Variants in ZNF831 observed in about 807,000 individuals in gnomAD.
ZNF831 encodes chromosome 20 open reading frame 174.
In ZNF831, 59 loss-of-function variants were observed where a neutral mutation model predicts 95.8. The observed-to-expected ratio is 0.62, with a 90% CI of 0.50 to 0.77. ZNF831 has a LOEUF of 0.77. ZNF831 is among the 30% of genes least tolerant of loss of function. The pLI, the probability that ZNF831 is intolerant of heterozygous loss-of-function variation, is 0.00. For missense variants in ZNF831, 2,205 were observed against 2,164.0 expected (o/e 1.02, Z -0.38); for synonymous variants, 961 against 925.5 (o/e 1.04, Z -0.70).
At chr20:59,147,235 T>C (rs1979917865) in intron 2 of ZNF831, among the ~76,000 whole-genome samples, 1 of 152,260 alleles carries the variant, frequency 6.6e-6, no homozygotes, top group Non-Finnish European at 1.5e-5. Context: ...AGTAAAGATC[T>C]ATTTTTAGTT....
chr20:59,196,767 C>G (rs1009453966), intron 3 of ZNF831, among the ~76,000 whole-genome samples: 1 of 152,062 alleles, frequency 6.6e-6, no homozygotes, highest in Non-Finnish European at 1.5e-5. Flanking sequence ...CATTCTCCCC[C>G]AGACTGTCAG....
chr20:59,183,557 C>T (rs947870356), intron 1 of ZNF831, among the ~76,000 whole-genome samples: 2 of 152,152 alleles, frequency 1.3e-5, no homozygotes, highest in African/African-American at 2.4e-5. Context: ...GTATCCCCAC[C>T]GCCCGCTTTT....
chr20:59,173,534 G>A (rs73306888), intron 1 of ZNF831, among the ~76,000 whole-genome samples: 21,184 of 152,186 alleles, frequency 0.14, 1,644 homozygotes, highest in African/African-American at 0.2. Context: ...TACAGCAGGA[G>A]CAGAAGCCAC....
intron 4 of ZNF831, among the ~76,000 whole-genome samples, chr20:59,227,322 G>A (rs1278892045): frequency 6.6e-6 from 1 of 152,190 alleles, no homozygotes; most frequent in East Asian, 1.9e-4. Flanking sequence ...TATTTTCTGA[G>A]ATAAATTTTG....
At chr20:59,221,233 T>C (rs1601416035) in intron 4 of ZNF831, among the ~76,000 whole-genome samples, 2 of 152,214 alleles carry the variant, frequency 1.3e-5, no homozygotes, top group East Asian at 3.9e-4. Context: ...AGGTCCATAC[T>C]TTCCCCAGCA....
chr20:59,194,714 C>A lies in ZNF831; in HGVS notation c.3695C>A (p.Thr1232Asn). 1 of 1,595,120 alleles carries A rather than the reference C, an allele frequency of 6.3e-7. No individual in the cohort carries two copies. Among genetic ancestry groups the A allele is most frequent in the Non-Finnish European group, 8.5e-7 (1 of 1,172,066 alleles). ...NGPPGSNGGW[T>N]WTSPGEGGPA... ...CCTCCTGGGAGCAATGGAGGATGGA[C>A]CTGGACAAGCCCTGGAGAAGGAGGG... is the stretch of plus-strand genomic sequence containing the variant. Residue 1232 changes from threonine to asparagine, a missense_variant, in exon 2 of 6, where the codon ACC (threonine) becomes AAC (asparagine). Physicochemically the swap from Thr to Asn is moderately conservative, Grantham distance 65. Transcript: ENST00000371030.
intron 2 of ZNF831, among the ~76,000 whole-genome samples, chr20:59,150,388 C>T (rs1247739566): frequency 6.6e-6 from 1 of 152,220 alleles, no homozygotes; most frequent in Non-Finnish European, 1.5e-5. Context: ...AGATAAAATA[C>T]AGGATGCCCA....
chr20:59,195,699 TCTGCCGTTGC>T (rs1475726007), intron 2 of ZNF831, 160 bp from the exon 3 acceptor site: 11 of 910,542 alleles, frequency 1.2e-5, no homozygotes, highest in Non-Finnish European at 1.4e-5. Context: ...CCAGGAACGC[TCTGCCGTTGC>T]CTGGTTGAAC....
At chr20:59,205,325 T>C (rs779452399) in intron 3 of ZNF831, among the ~76,000 whole-genome samples, 10 of 152,162 alleles carry the variant, frequency 6.6e-5, no homozygotes, top group Non-Finnish European at 8.8e-5. Context: ...CTGGCTCAGA[T>C]AGCTCTTTCA....
chr20:59,203,349 C>G (rs1282155632), intron 3 of ZNF831, among the ~76,000 whole-genome samples: 1 of 152,102 alleles, frequency 6.6e-6, no homozygotes, highest in Non-Finnish European at 1.5e-5. Flanking sequence ...CTATGTTGCC[C>G]AGGCTGCAGG....
chr20:59,247,811 TATATC>T (rs1355094913), intron 4 of ZNF831, among the ~76,000 whole-genome samples: 1 of 152,320 alleles, frequency 6.6e-6, no homozygotes, highest in East Asian at 1.9e-4. Flanking sequence ...CCAAAAGAAA[TATATC>T]AAATTACTTA....
chr20:59,195,811 G>A, intron 2 of ZNF831, 58 bp from the exon 3 acceptor site: 2 of 1,572,836 alleles, frequency 1.3e-6, no homozygotes, highest in African/African-American at 1.4e-5. Context: ...ACCCTTTGGA[G>A]TTTTCTTCAT....
At chr20:59,189,082 G>A (rs937147770) in intron 1 of ZNF831, among the ~76,000 whole-genome samples, 4 of 151,886 alleles carry the variant, frequency 2.6e-5, no homozygotes, top group Non-Finnish European at 4.4e-5. Flanking sequence ...TCAGGAGGCC[G>A]AGGCAAGAGA....
chr20:59,216,598 A>G (rs1045358222), intron 4 of ZNF831, among the ~76,000 whole-genome samples: 9 of 152,056 alleles, frequency 5.9e-5, no homozygotes, highest in Non-Finnish European at 1.2e-4. Flanking sequence ...TGGTACACAC[A>G]TGATAGAGAG....
In ZNF831 at chr20:59,254,786, C is replaced by T. The variant is rs756978994; in HGVS notation, c.*43C>T. On this transcript the variant is annotated 3_prime_UTR_variant, in exon 6 of 6. Coordinates refer to ENST00000371030, the MANE Select transcript of ZNF831 (RefSeq NM_178457.3). This position sits in a 1 kb window ranked among gnomAD's most constrained non-coding sequence, Gnocchi z 4.5. Reference sequence around the variant, plus strand: ...GGTGTCTGGTCAAAAAGACTGTTGACGCTTCACAAGTAAATGTTGTCAGGC... The same window carrying T: ...GGTGTCTGGTCAAAAAGACTGTTGATGCTTCACAAGTAAATGTTGTCAGGC... 21 of 1,558,626 alleles carry T rather than the reference C, an allele frequency of 1.3e-5. No individual in the cohort carries two copies. Among genetic ancestry groups the T allele is most frequent in the East Asian group, 9.0e-5 (4 of 44,554 alleles).
chr20:59,197,504 C>T (rs768654665), intron 3 of ZNF831, among the ~76,000 whole-genome samples: 111 of 152,290 alleles, frequency 7.3e-4, no homozygotes, highest in Middle Eastern at 6.8e-3. Context: ...GTCCTGGGCA[C>T]GCTAGCGGCC....
Position 59,192,093 on chromosome 20 carries a change from G to A in ZNF831, c.1074G>A (p.Ala358=), listed in dbSNP as rs765136934. The A allele has an allele frequency of 3.1e-6, 5 of 1,597,304 alleles. No homozygotes were observed. The Admixed American group carries it at 5.1e-5, about 16-fold the overall frequency. ...CCGACAGCGCGGAGCAGCCGCATGC[G>A]CCCTGCAGCCCCCTGCACAGCCTTT... The part of the protein sequence containing the change: ...SRSDSAEQPH[A]PCSPLHSLSE... Residue 358 remains alanine, a synonymous_variant, in exon 2 of 6, where the codon GCG becomes GCA. Transcript: ENST00000371030. This position sits in a 1 kb window ranked among gnomAD's most constrained non-coding sequence, Gnocchi z 5.2.
chr20:59,159,427 C>T (rs556790430), upstream of ZNF831, among the ~76,000 whole-genome samples: 74 of 152,224 alleles, frequency 4.9e-4, 1 homozygote, highest in Admixed American at 3.9e-4. Context: ...TAATCAAAAA[C>T]GGGGTGGATG....
chr20:59,244,184 A>T (rs1033972254), intron 4 of ZNF831, among the ~76,000 whole-genome samples: 8 of 151,930 alleles, frequency 5.3e-5, no homozygotes, highest in African/African-American at 1.7e-4. Flanking sequence ...TTCTGGGAAA[A>T]AAAACAGATT....
Sources: gnomAD v4.1 joint callset for allele counts (sites outside exome capture counted in the v4.1 genomes callset) on GRCh38, gnomAD v4.1.1 for gene constraint, Gnocchi (gnomAD v3.1) non-coding constraint, MANE v1.5 for transcripts, NCBI Gene and HGNC (gene_info 2026-07-23, HGNC 2026-07-21) for gene names.